Variants in ROBO2 observed in about 807,000 individuals in gnomAD.
The protein encoded by ROBO2 is roundabout guidance receptor 2.
In ROBO2, 53 loss-of-function variants were observed where a neutral mutation model predicts 160.8. The ratio of observed to expected loss-of-function variants is 0.33; its 90% CI spans 0.26 to 0.41. The LOEUF is 0.41. Among genes scored for constraint, ROBO2 ranks in the 10% least tolerant of loss-of-function variants. The probability of loss-of-function intolerance (pLI) is 1.00; values close to 1 mark genes in which losing one functional copy is unlikely to be tolerated. For missense variants in ROBO2, 1,577 were observed against 1,722.4 expected (o/e 0.92, Z 1.49); for synonymous variants, 664 against 611.7 (o/e 1.09, Z -1.26).
intron 2 of ROBO2, among the ~76,000 whole-genome samples, chr3:76,051,902 C>T (rs1325567748): frequency 1.3e-5 from 2 of 151,760 alleles, no homozygotes; most frequent in African/African-American, 4.8e-5. Context: ...ATATTTTTCT[C>T]TTCAATGAAG....
At chr3:77,286,882 T>C (rs1296707693) in intron 2 of ROBO2, among the ~76,000 whole-genome samples, 1 of 152,218 alleles carries the variant, frequency 6.6e-6, no homozygotes, top group East Asian at 1.9e-4. Flanking sequence ...AACTTTGGGC[T>C]TTGCCAGATG....
intron 2 of ROBO2, among the ~76,000 whole-genome samples, chr3:77,163,198 T>C (rs903027621): frequency 6.6e-6 from 1 of 152,236 alleles, no homozygotes; most frequent in Non-Finnish European, 1.5e-5. Flanking sequence ...ATTTGAATTC[T>C]ATGCAATGTT....
chr3:77,482,384 C>T (rs1473130564), intron 4 of ROBO2, among the ~76,000 whole-genome samples: 1 of 152,000 alleles, frequency 6.6e-6, no homozygotes, highest in Non-Finnish European at 1.5e-5. Context: ...AATGGGAGTG[C>T]CACTATAGAA....
intron 2 of ROBO2, among the ~76,000 whole-genome samples, chr3:76,165,059 ATT>A (rs59149843): frequency 7.9e-4 from 120 of 152,002 alleles, no homozygotes; most frequent in African/African-American, 2.6e-3. Context: ...CAGTCTACAT[ATT>A]TTTTTTTTAC....
chr3:76,752,303 G>C (rs981311100), intron 2 of ROBO2, among the ~76,000 whole-genome samples: 11 of 151,936 alleles, frequency 7.2e-5, no homozygotes, highest in Admixed American at 1.3e-4. Context: ...TGGGGGTAGG[G>C]GGGAGGGATA....
At chr3:77,266,661 A>G (rs2059145454) in intron 2 of ROBO2, among the ~76,000 whole-genome samples, 1 of 152,074 alleles carries the variant, frequency 6.6e-6, no homozygotes, top group African/African-American at 2.4e-5. Context: ...TAAATCCCTG[A>G]TCTACTAATT....
chr3:76,167,678 TCTC>T (rs2072888244), intron 2 of ROBO2, among the ~76,000 whole-genome samples: 1 of 152,206 alleles, frequency 6.6e-6, no homozygotes, highest in African/African-American at 2.4e-5. Flanking sequence ...ACAGCATTCT[TCTC>T]CTTTTATTAT....
At chr3:76,211,399 T>C (rs1394171234) in intron 2 of ROBO2, among the ~76,000 whole-genome samples, 1 of 152,110 alleles carries the variant, frequency 6.6e-6, no homozygotes. Flanking sequence ...GAATGTCAGA[T>C]AATAGATGAT....
chr3:76,918,683 T>C (rs2076477305), intron 2 of ROBO2, among the ~76,000 whole-genome samples: 1 of 152,240 alleles, frequency 6.6e-6, no homozygotes, highest in Admixed American at 6.5e-5. Context: ...CTTTCAACAC[T>C]TCATTTTCAG....
chr3:76,923,001 A>G (rs1274621912), intron 2 of ROBO2, among the ~76,000 whole-genome samples: 1 of 152,234 alleles, frequency 6.6e-6, no homozygotes, highest in Non-Finnish European at 1.5e-5. Flanking sequence ...AACTCAGTGA[A>G]ATAAAGTTTT....
chr3:76,690,806 G>T (rs528163406), intron 2 of ROBO2, among the ~76,000 whole-genome samples: 2 of 151,992 alleles, frequency 1.3e-5, no homozygotes, highest in Non-Finnish European at 2.9e-5. Context: ...ATTAATAAGC[G>T]TATCTGTGAA....
At chr3:76,240,566 A>C (rs906524603) in intron 2 of ROBO2, among the ~76,000 whole-genome samples, 9 of 152,226 alleles carry the variant, frequency 5.9e-5, no homozygotes, top group Non-Finnish European at 1.0e-4. Flanking sequence ...CATCTAGAAT[A>C]ATCTAAGTGC....
intron 2 of ROBO2, chr3:77,317,368 G>C: frequency 3.2e-6 from 3 of 934,648 alleles, no homozygotes; most frequent in Non-Finnish European, 5.1e-6. Flanking sequence ...TCGGTGCCTA[G>C]TGTATTGTCG....
intron 2 of ROBO2, among the ~76,000 whole-genome samples, chr3:76,376,959 G>T (rs1025829157): frequency 2.6e-5 from 4 of 152,054 alleles, no homozygotes; most frequent in Non-Finnish European, 5.9e-5. Context: ...TGTTGCTAAA[G>T]GTCAAAACTT....
intron 2 of ROBO2, among the ~76,000 whole-genome samples, chr3:76,728,534 C>A (rs1346417578): frequency 6.6e-6 from 1 of 152,122 alleles, no homozygotes; most frequent in Non-Finnish European, 1.5e-5. Flanking sequence ...TGTGTGAAAG[C>A]ATGTCTATTT....
intron 2 of ROBO2, among the ~76,000 whole-genome samples, chr3:76,864,981 C>A (rs975545007): frequency 5.9e-5 from 9 of 151,994 alleles, no homozygotes; most frequent in African/African-American, 2.2e-4. Context: ...TTTAGCATAG[C>A]TAAATTGAAA....
intron 2 of ROBO2, among the ~76,000 whole-genome samples, chr3:77,194,378 CT>C (rs1335006710): frequency 6.6e-6 from 1 of 152,132 alleles, no homozygotes; most frequent in East Asian, 1.9e-4. Flanking sequence ...TATTAGTTAC[CT>C]TTGGCAGCTC....
chr3:76,787,776 G>T (rs1186565461), intron 2 of ROBO2, among the ~76,000 whole-genome samples: 3 of 151,302 alleles, frequency 2.0e-5, no homozygotes, highest in Non-Finnish European at 1.5e-5. Flanking sequence ...AATTATCAAG[G>T]TATTTGGATC....
chr3:77,348,476 T>A (rs1368404770), intron 2 of ROBO2, among the ~76,000 whole-genome samples: 3 of 152,054 alleles, frequency 2.0e-5, no homozygotes, highest in Non-Finnish European at 2.9e-5. Flanking sequence ...ACAAGCTGTT[T>A]TATCAGCAAG....
Sources: gnomAD v4.1 joint callset for allele counts (sites outside exome capture counted in the v4.1 genomes callset) on GRCh38, gnomAD v4.1.1 for gene constraint, MANE v1.5 for transcripts, NCBI Gene and HGNC (gene_info 2026-07-23, HGNC 2026-07-21) for gene names.